Variants in ASS1 observed in about 807,000 individuals in gnomAD.
ASS1 encodes argininosuccinate synthase 1.
Under a neutral mutation model 60.5 loss-of-function variants are expected in ASS1, and 58 were observed. That is an observed-to-expected ratio of 0.96 (90% CI 0.78 to 1.19). ASS1 has a LOEUF of 1.19. Among genes scored for constraint, ASS1 ranks in the 50% most tolerant of loss-of-function variants. ASS1 has a pLI of 0.00. For synonymous variants in ASS1, 200 were observed against 206.9 expected, an observed-to-expected ratio of 0.97 and a Z score of 0.29; for missense variants, 454 against 547.3, an observed-to-expected ratio of 0.83 and a Z score of 1.70.
In ASS1 at chr9:130,479,650, G is replaced by A. The variant is rs534745771; in HGVS notation, c.689-66G>A. 1.9e-4 allele frequency: 238 copies of A among 1,266,204 alleles called. 1 individual carries two copies. In the African/African-American group the frequency reaches 3.1e-3, roughly 16 times the overall value. The allele number at this position is 1,266,204 out of a possible 1,614,324, so 78.4% of individuals were successfully genotyped here. ...GTTTCGGGAGGAGGGAGAGGGTGGG[G>A]TGGCGGGTGCAGACTCCTCCGCTGA... On this transcript the variant is annotated intron_variant, in intron 9 of 14. Coordinates refer to ENST00000352480, the MANE Select transcript of ASS1 (RefSeq NM_054012.4).
At chr9:130,462,337 G>A (rs549749367) in intron 4 of ASS1, among the ~76,000 whole-genome samples, 13 of 152,282 alleles carry the variant, frequency 8.5e-5, no homozygotes, top group East Asian at 3.9e-4. Context: ...ATCAGCATGC[G>A]GACACTCGTG....
chr9:130,463,637 A>AT (rs1295821828), intron 4 of ASS1, among the ~76,000 whole-genome samples: 1 of 152,132 alleles, frequency 6.6e-6, no homozygotes, highest in African/African-American at 2.4e-5. Context: ...CATTGAAGAG[A>AT]TGCGGAAACT....
At position 130,498,302 on chromosome 9, in the gene ASS1, C is replaced by T. The variant is rs561241534; in HGVS notation, c.1128-1203C>T. On this transcript the variant is annotated intron_variant, in intron 13 of 14. Transcript: ENST00000352480. ...ACCTTGAGTCAGCTTTGTCCCAAGG[C>T]TGGAATTCTGCAGACAAGGGTCTGA... Among the ~76,000 whole-genome samples the T allele has an allele frequency of 2.0e-5, 3 of 152,320 alleles. No individual in the cohort carries two copies. In the South Asian group the frequency reaches 6.2e-4, roughly 32 times the overall value.
At chr9:130,454,046 C>T (rs1845382274) in intron 2 of ASS1, among the ~76,000 whole-genome samples, 1 of 152,250 alleles carries the variant, frequency 6.6e-6, no homozygotes, top group Admixed American at 6.5e-5. Flanking sequence ...CCTGTGTGGC[C>T]AGGGCCAGGC....
intron 4 of ASS1, among the ~76,000 whole-genome samples, chr9:130,462,384 G>T (rs1483638299): frequency 1.3e-5 from 2 of 152,196 alleles, no homozygotes; most frequent in African/African-American, 4.8e-5. Flanking sequence ...CCGGAAAGCT[G>T]CCAGGAGCTG....
chr9:130,474,062 A>C (rs1187903597), intron 8 of ASS1, among the ~76,000 whole-genome samples: 1,132 of 25,108 alleles, frequency 0.045, 1 homozygote, highest in African/African-American at 0.055. Flanking sequence ...CCTCCCCCGC[A>C]CCCCCCCCCC....
At chr9:130,500,837 G>A (rs1451108507) in intron 14 of ASS1, 139 bp from the exon 15 acceptor site, 1 of 804,980 alleles carries the variant, frequency 1.2e-6, no homozygotes, top group South Asian at 1.4e-5. Context: ...GCGGGAGAGG[G>A]AATAGAAAAA....
At position 130,464,100 on chromosome 9, in the gene ASS1, C is replaced by T; in HGVS notation, c.364-11C>T. 7.4e-6 allele frequency: 12 copies of T among 1,614,162 alleles called. No homozygotes were observed. Among genetic ancestry groups the T allele is most frequent in the Non-Finnish European group, 1.0e-5 (12 of 1,180,002 alleles). On this transcript the variant is annotated splice_polypyrimidine_tract_variant and intron_variant, in intron 4 of 14. Transcript: ENST00000352480. ...CTGTGGCTCCTGACAGCCCTCTGTT[C>T]TGCATTGCAGGGGAACGATCAGGTC...
At chr9:130,452,005 C>T in intron 1 of ASS1, 1 of 675,568 alleles carries the variant, frequency 1.5e-6, no homozygotes, top group Non-Finnish European at 2.7e-6. Context: ...ATTCCCAGGC[C>T]CCAGTGTGGT....
intron 5 of ASS1, among the ~76,000 whole-genome samples, chr9:130,465,555 G>A (rs1414479290): frequency 6.6e-6 from 1 of 152,212 alleles, no homozygotes; most frequent in South Asian, 2.1e-4. Context: ...ATGGCCACCC[G>A]TGGCTTGTGG....
chr9:130,485,929 C>T (rs1319954207), intron 11 of ASS1, among the ~76,000 whole-genome samples: 1 of 152,182 alleles, frequency 6.6e-6, no homozygotes, highest in Non-Finnish European at 1.5e-5. Flanking sequence ...CACTGCTGAA[C>T]CATTCCCCTT....
chr9:130,456,737 G>A (rs1283355385), intron 3 of ASS1, among the ~76,000 whole-genome samples: 1 of 152,004 alleles, frequency 6.6e-6, no homozygotes, highest in Non-Finnish European at 1.5e-5. Flanking sequence ...ATCTCTTGAG[G>A]TCAGGAGTTT....
intron 4 of ASS1, among the ~76,000 whole-genome samples, chr9:130,463,235 T>G (rs1845645416): frequency 6.6e-6 from 1 of 152,250 alleles, no homozygotes; most frequent in African/African-American, 2.4e-5. Flanking sequence ...CCCTCTGGGC[T>G]GCCGAGCCCA....
intron 8 of ASS1, 45 bp downstream of exon 8, chr9:130,471,560 G>C (rs760732303): frequency 5.6e-5 from 88 of 1,583,724 alleles, no homozygotes; most frequent in Non-Finnish European, 6.9e-5. Context: ...CACCTTTGGT[G>C]GTAGCAGCTC....
At chr9:130,448,307 C>T (rs550636175) in intron 1 of ASS1, among the ~76,000 whole-genome samples, 5 of 152,114 alleles carry the variant, frequency 3.3e-5, no homozygotes, top group Non-Finnish European at 1.5e-5. Flanking sequence ...CACCCACACA[C>T]GTGTGCATGC....
intron 7 of ASS1, among the ~76,000 whole-genome samples, chr9:130,471,277 G>A (rs1845860098): frequency 6.6e-6 from 1 of 152,220 alleles, no homozygotes; most frequent in Non-Finnish European, 1.5e-5. Context: ...CCAGAAGACA[G>A]GTAAAGGCCC....
intron 4 of ASS1, among the ~76,000 whole-genome samples, chr9:130,458,816 CT>C (rs973311088): frequency 3.3e-5 from 5 of 152,366 alleles, no homozygotes; most frequent in African/African-American, 1.2e-4. Flanking sequence ...CCACCTTCTG[CT>C]GTGGGAGCGA....
intron 11 of ASS1, among the ~76,000 whole-genome samples, chr9:130,487,143 C>T (rs960017679): frequency 2.6e-5 from 4 of 152,242 alleles, no homozygotes; most frequent in Middle Eastern, 3.2e-3. Context: ...CCCAGCACAA[C>T]CTCTGCCATC....
intron 11 of ASS1, among the ~76,000 whole-genome samples, chr9:130,486,600 A>C (rs1044436300): frequency 6.6e-6 from 1 of 152,178 alleles, no homozygotes; most frequent in East Asian, 1.9e-4. Context: ...GAGGGCTTGG[A>C]TCTCTGCATA....
Sources: allele counts gnomAD v4.1 joint callset (sites outside exome capture counted in the v4.1 genomes callset), GRCh38; gene constraint gnomAD v4.1.1; transcripts MANE v1.5; gene names NCBI Gene and HGNC (gene_info 2026-07-23, HGNC 2026-07-21).